MINK1: variants seen among roughly 807,000 people sequenced by gnomAD.
MINK1 encodes misshapen-like kinase 1.
MINK1 carries 46 observed loss-of-function variants against 178.4 expected under a neutral mutation model. That is an observed-to-expected ratio of 0.26 (90% confidence interval 0.20 to 0.33). The LOEUF (loss-of-function observed/expected upper bound fraction) is 0.33, where lower values mean the gene tolerates loss of function less well. Ranked by LOEUF, MINK1 falls within the 10% of genes least tolerant of loss-of-function variation. The probability of loss-of-function intolerance (pLI) is 1.00; values close to 1 mark genes in which losing one functional copy is unlikely to be tolerated. For synonymous variants in MINK1, 797 were observed against 709.7 expected, an observed-to-expected ratio of 1.12 and a Z score of -1.96; for missense variants, 1,366 against 1,814.9, an observed-to-expected ratio of 0.75 and a Z score of 4.49.
chr17:4,862,585 T>G (rs1041871363), intron 1 of MINK1, among the ~76,000 whole-genome samples: 9 of 150,320 alleles, frequency 6.0e-5, no homozygotes, highest in African/African-American at 2.0e-4. Flanking sequence ...ATCCAGGAAG[T>G]GGAGGTTGCA....
chr17:4,890,720 A>C lies in MINK1; in HGVS notation c.1551A>C (p.Pro517=). ...YGRGMNPADK[P]AWAREVEERT... ...GGGGCATGAATCCCGCTGACAAACCAGCCTGGGCCCGAGAGGTACTCACTG... is the reference window on the plus strand; with the variant it reads ...GGGGCATGAATCCCGCTGACAAACCCGCCTGGGCCCGAGAGGTACTCACTG... Residue 517 remains proline, a synonymous_variant, in exon 14 of 32, where the codon CCA becomes CCC. Transcript: ENST00000355280. 6.5e-7 allele frequency: 1 copy of C among 1,547,802 alleles called. No homozygotes were observed. The highest frequency in any genetic ancestry group is 1.2e-5 in the South Asian group (1 of 83,976).
intron 13 of MINK1, chr17:4,890,066 A>C: frequency 2.3e-6 from 1 of 441,570 alleles, no homozygotes; most frequent in Non-Finnish European, 3.9e-6. Context: ...CCTGGGGCTC[A>C]TGTCATCCCC....
At chr17:4,849,893 T>C (rs1026590677) in intron 1 of MINK1, among the ~76,000 whole-genome samples, 6 of 152,094 alleles carry the variant, frequency 3.9e-5, no homozygotes, top group Non-Finnish European at 8.8e-5. Flanking sequence ...TAAACATCAC[T>C]TCCTTAGCGA....
chr17:4,865,002 G>A (rs540883042), intron 1 of MINK1, among the ~76,000 whole-genome samples: 3 of 152,186 alleles, frequency 2.0e-5, no homozygotes, highest in Admixed American at 6.5e-5. Flanking sequence ...CTCTTTCCAC[G>A]ACCAAAACCT....
intron 1 of MINK1, among the ~76,000 whole-genome samples, chr17:4,843,619 G>A (rs975863599): frequency 6.6e-6 from 1 of 152,154 alleles, no homozygotes; most frequent in Admixed American, 6.5e-5. Flanking sequence ...ATTTCAGAAG[G>A]GGGTGTTTGG....
chr17:4,889,115 G>T lies in MINK1; in HGVS notation c.1231-532G>T, dbSNP rs185020155. On this transcript the variant is annotated intron_variant, in intron 12 of 31. Transcript: ENST00000355280. ...TCCCTCAGGGTTTGTGCTTTTGTTGGTGGTGGTGGTGGTAGACTTCGTGAA... is the reference window on the plus strand; with the variant it reads ...TCCCTCAGGGTTTGTGCTTTTGTTGTTGGTGGTGGTGGTAGACTTCGTGAA... Among the ~76,000 whole-genome samples the T allele has an allele frequency of 3.0e-4, 46 of 152,172 alleles. No homozygotes were observed. The East Asian group carries it at 4.8e-3, about 16-fold the overall frequency.
rs979073785 is a variant in MINK1 at position 4,890,686 on chromosome 17, A to G, written c.1517A>G (p.His506Arg). 5.2e-6 allele frequency: 8 copies of G among 1,550,492 alleles called. No individual in the cohort carries two copies. Among genetic ancestry groups the G allele is most frequent in the African/African-American group, 4.1e-5 (3 of 73,000 alleles). ...CCTGGGGACAGGAAGCCCCTGTACC[A>G]TTATGGTCGGGGCATGAATCCCGCT... is the stretch of plus-strand genomic sequence containing the variant. ...LLPGDRKPLY[H>R]YGRGMNPADK... Residue 506 changes from histidine (H) to arginine (R), a missense_variant, in exon 14 of 32, where the codon CAT becomes CGT. This residue lies in a region of MINK1 where 709 missense variants were observed against 692.3 expected (regional missense o/e 1.02). Transcript: ENST00000355280.
chr17:4,870,987 C>A, intron 1 of MINK1: 1 of 251,536 alleles, frequency 4.0e-6, no homozygotes, highest in Non-Finnish European at 8.8e-6. Context: ...TCTCCTTCCT[C>A]CCAGCCCCTG....
In MINK1 at chr17:4,894,882, T is replaced by C. The variant is rs1162795465; in HGVS notation, c.2918-193T>C. On this transcript the variant is annotated intron_variant, in intron 24 of 31. Transcript: ENST00000355280. The surrounding 1 kb of genome is among the most constrained non-coding windows in gnomAD (Gnocchi z 4.1). ...ACTCAAAGCTAACAAGTGACAGAAA[T>C]GGGACTTGAGCCAGACCTTTTGACT... The C allele has an allele frequency of 4.4e-6, 3 of 680,172 alleles. No individual in the cohort carries two copies. Among genetic ancestry groups the C allele is most frequent in the Non-Finnish European group, 7.4e-6 (3 of 407,422 alleles). 42.1% of individuals were successfully genotyped at this position (680,172 alleles called of 1,614,324 possible). A position where few individuals can be genotyped will look rare whatever the true frequency, so the allele number is the denominator to read the frequency against.
intron 1 of MINK1, among the ~76,000 whole-genome samples, chr17:4,870,849 A>G (rs984319262): frequency 6.6e-6 from 1 of 152,126 alleles, no homozygotes; most frequent in Non-Finnish European, 1.5e-5. Flanking sequence ...CAAAAATTAA[A>G]ATAAAATATT....
Position 4,833,567 on chromosome 17 carries a change from C to T in MINK1, c.-17C>T. The T allele has an allele frequency of 1.3e-6, 2 of 1,494,958 alleles. No individual in the cohort carries two copies. Among genetic ancestry groups the T allele is most frequent in the Non-Finnish European group, 8.9e-7 (1 of 1,127,566 alleles). The allele number at this position is 1,494,958 out of a possible 1,614,324, so 92.6% of individuals were successfully genotyped here. A position where few individuals can be genotyped will look rare whatever the true frequency, so the allele number is the denominator to read the frequency against. ...CGGAGCGTGAGCGGCCCCGGTGCCC[C>T]GTTCCCCACGGAGGCCATGGGCGAC... On this transcript the variant is annotated 5_prime_UTR_variant, in exon 1 of 32. Coordinates refer to ENST00000355280, the MANE Select transcript of MINK1 (RefSeq NM_153827.5). This position sits in a 1 kb window ranked among gnomAD's most constrained non-coding sequence, Gnocchi z 4.8.
At position 4,891,485 on chromosome 17, in the gene MINK1, G is replaced by A; in HGVS notation, c.1770G>A (p.Lys590=). The change falls in exon 16 of 32, where the codon AAG becomes AAA. Residue 590 remains lysine, a synonymous_variant. Transcript: ENST00000355280. ...TGGTGGCACACCGGGTCCCACTGAAGCCATATGCAGCACCTGTACCCCGAT... is the reference window on the plus strand; with the variant it reads ...TGGTGGCACACCGGGTCCCACTGAAACCATATGCAGCACCTGTACCCCGAT... ...KSLVAHRVPL[K]PYAAPVPRSQ... The A allele has an allele frequency of 6.3e-7, 1 of 1,599,552 alleles. No homozygotes were observed.
At position 4,895,649 on chromosome 17, in the gene MINK1, G is replaced by T. The variant is rs907018832; in HGVS notation, c.3230-49G>T. The T allele has an allele frequency of 6.3e-7, 1 of 1,599,974 alleles. No homozygotes were observed. The highest frequency in any genetic ancestry group is 1.3e-5 in the African/African-American group (1 of 74,712). On this transcript the variant is annotated intron_variant, in intron 26 of 31. Coordinates refer to ENST00000355280, the MANE Select transcript of MINK1 (RefSeq NM_153827.5). This position sits in a 1 kb window ranked among gnomAD's most constrained non-coding sequence, Gnocchi z 4.3. ...GAGGAGGCCAGGGCGGTGGCATTCG[G>T]GCCTCAGATGAGAATGGGGGCGGGT...
Position 4,884,944 on chromosome 17 carries a change from C to T in MINK1, c.450C>T (p.Ile150=). ...GLAHLHAHKV[I]HRDIKGQNVL... ...CCCATCTCCATGCCCACAAGGTGAT[C>T]CATCGAGACATCAAGGGGCAGAATG... The change falls in exon 6 of 32, where the codon ATC becomes ATT. Residue 150 remains isoleucine, a synonymous_variant. Transcript: ENST00000355280. 2 of 1,613,956 alleles carry T rather than the reference C, an allele frequency of 1.2e-6. No individual in the cohort carries two copies. Among genetic ancestry groups the T allele is most frequent in the Non-Finnish European group, 1.7e-6 (2 of 1,179,882 alleles).
At chr17:4,872,995 C>T (rs974899891) in intron 1 of MINK1, among the ~76,000 whole-genome samples, 4 of 152,204 alleles carry the variant, frequency 2.6e-5, no homozygotes, top group Non-Finnish European at 5.9e-5. Context: ...CGCTGTCTGC[C>T]CTCTGCTCAC....
chr17:4,848,066 C>T (rs574736403), intron 1 of MINK1, among the ~76,000 whole-genome samples: 6 of 151,906 alleles, frequency 3.9e-5, no homozygotes, highest in South Asian at 2.1e-4. Context: ...GGAGGGAGGA[C>T]GGGAGGGACT....
rs1597587119 is a variant in MINK1, at chr17:4,895,014, G to A, written c.2918-61G>A. ...CCAAGACCTGATATAGGGGATGGAG[G>A]TAAAAAGAGATGGGGTGAGAAGCTG... On this transcript the variant is annotated intron_variant, in intron 24 of 31. Transcript: ENST00000355280. This position sits in a 1 kb window ranked among gnomAD's most constrained non-coding sequence, Gnocchi z 4.3. 7.6e-6 allele frequency: 12 copies of A among 1,571,960 alleles called. No homozygotes were observed. The East Asian group carries it at 2.5e-4, about 32-fold the overall frequency.
Position 4,896,896 on chromosome 17 carries a change from T to G in MINK1, c.3915+83T>G, listed in dbSNP as rs778279335. 7.5e-6 allele frequency: 11 copies of G among 1,470,220 alleles called. No individual in the cohort carries two copies. The highest frequency in any genetic ancestry group is 9.9e-6 in the Non-Finnish European group (11 of 1,109,918). The allele number at this position is 1,470,220 out of a possible 1,614,324, so 91.1% of individuals were successfully genotyped here. On this transcript the variant is annotated intron_variant, in intron 31 of 31. Transcript: ENST00000355280. This position sits in a 1 kb window ranked among gnomAD's most constrained non-coding sequence, Gnocchi z 4.6. ...CCTGGGCAGAGTTCTGGGGAGAGGA[T>G]GGTGGTGGTGGCTTCCTGAAAGCGG...
intron 1 of MINK1, chr17:4,847,349 C>A: frequency 4.8e-6 from 2 of 415,228 alleles, no homozygotes; most frequent in Non-Finnish European, 9.7e-6. Context: ...ATCAATTCTC[C>A]TGCCTCAGCC....
Sources: gnomAD v4.1 joint callset for allele counts (sites outside exome capture counted in the v4.1 genomes callset) on GRCh38, gnomAD v4.1.1 for gene constraint, gnomAD v4.1.1 regional missense constraint, Gnocchi (gnomAD v3.1) non-coding constraint, MANE v1.5 for transcripts, NCBI Gene and HGNC (gene_info 2026-07-23, HGNC 2026-07-21) for gene names.